CDKAL1: variants seen among roughly 807,000 people sequenced by gnomAD.
The protein encoded by CDKAL1 is CDKAL1 threonylcarbamoyladenosine tRNA methylthiotransferase.
A neutral mutation model predicts 68.2 loss-of-function variants in CDKAL1; 32 were observed. The ratio of observed to expected loss-of-function variants is 0.47; its 90% CI spans 0.35 to 0.63. The LOEUF (loss-of-function observed/expected upper bound fraction) is 0.63, where lower values mean the gene tolerates loss of function less well. CDKAL1 is among the 30% of genes least tolerant of loss of function. CDKAL1 has a pLI of 0.00. For synonymous variants in CDKAL1, 234 were observed against 244.3 expected (o/e 0.96, Z 0.39); for missense variants, 606 against 696.7 (o/e 0.87, Z 1.47).
chr6:20,962,452 A>G (rs1243753068), intron 10 of CDKAL1, among the ~76,000 whole-genome samples: 1 of 152,206 alleles, frequency 6.6e-6, no homozygotes, highest in African/African-American at 2.4e-5. Context: ...TAGTGAAATA[A>G]ATTCATCTGC....
intron 13 of CDKAL1, among the ~76,000 whole-genome samples, chr6:21,194,082 T>C (rs148710966): frequency 6.8e-4 from 103 of 152,318 alleles, no homozygotes; most frequent in African/African-American, 2.5e-3. Context: ...GGCTCTCATG[T>C]GAACTTACCC....
chr6:20,864,012 A>C (rs571957836), intron 9 of CDKAL1, among the ~76,000 whole-genome samples: 4 of 152,290 alleles, frequency 2.6e-5, no homozygotes, highest in African/African-American at 9.6e-5. Flanking sequence ...TTAGTAAAAA[A>C]AGGAGGAGAG....
chr6:20,896,104 T>TTTTC (rs1761674795), intron 9 of CDKAL1, among the ~76,000 whole-genome samples: 6 of 24,740 alleles, frequency 2.4e-4, no homozygotes, highest in South Asian at 1.7e-3. Flanking sequence ...TTTTCTTTTC[T>TTTTC]TTTTTTTTTT....
chr6:20,743,254 C>T (rs927567612), intron 6 of CDKAL1, among the ~76,000 whole-genome samples: 1 of 152,046 alleles, frequency 6.6e-6, no homozygotes, highest in Non-Finnish European at 1.5e-5. Flanking sequence ...GAAGGAAGAA[C>T]AACTGTAACT....
At chr6:20,541,182 G>C (rs887822026) in intron 2 of CDKAL1, among the ~76,000 whole-genome samples, 3 of 152,118 alleles carry the variant, frequency 2.0e-5, no homozygotes, top group Non-Finnish European at 4.4e-5. Context: ...AGCAATTTGG[G>C]AAAGACTAAC....
At chr6:21,188,067 G>A (rs1038912448) in intron 13 of CDKAL1, among the ~76,000 whole-genome samples, 2 of 152,084 alleles carry the variant, frequency 1.3e-5, no homozygotes, top group African/African-American at 2.4e-5. Flanking sequence ...TTAGCAGTTT[G>A]TTTTTCTGTT....
At chr6:20,541,977 G>A (rs1023222435) in intron 2 of CDKAL1, among the ~76,000 whole-genome samples, 2 of 152,220 alleles carry the variant, frequency 1.3e-5, no homozygotes, top group Non-Finnish European at 2.9e-5. Flanking sequence ...GTCTTACCAT[G>A]ACCACGTGGT....
chr6:21,117,731 C>T (rs375616154), intron 13 of CDKAL1, among the ~76,000 whole-genome samples: 2 of 152,114 alleles, frequency 1.3e-5, no homozygotes, highest in East Asian at 1.9e-4. Context: ...TTATACATTC[C>T]ACTTGGGCAA....
rs574169200 is a variant in CDKAL1, at chr6:20,587,225, G to T, written c.286+38520G>T. Among the ~76,000 whole-genome samples, 43 of 151,966 alleles carry T rather than the reference G, an allele frequency of 2.8e-4. 1 individual carries two copies. Among genetic ancestry groups the T allele is most frequent in the Non-Finnish European group, 6.3e-4 (43 of 67,976 alleles). On this transcript the variant is annotated intron_variant, in intron 4 of 15. Transcript: ENST00000274695. ...TGATCTCGAACTCCTGACCTCAGGT[G>T]ATCCACCTGCCGCAGCCTCCCAAAG...
chr6:20,814,611 C>T (rs1258263741), intron 8 of CDKAL1, among the ~76,000 whole-genome samples: 1 of 152,226 alleles, frequency 6.6e-6, no homozygotes, highest in African/African-American at 2.4e-5. Flanking sequence ...TGTTGTTATG[C>T]AGCTATTGAA....
chr6:20,872,563 G>A (rs554580905), intron 9 of CDKAL1, among the ~76,000 whole-genome samples: 13 of 152,244 alleles, frequency 8.5e-5, no homozygotes, highest in Middle Eastern at 3.4e-3. Flanking sequence ...GAAAGAAATG[G>A]GCATGCATAT....
chr6:20,908,449 T>C (rs1762325977), intron 9 of CDKAL1, among the ~76,000 whole-genome samples: 1 of 152,244 alleles, frequency 6.6e-6, no homozygotes, highest in East Asian at 1.9e-4. Context: ...AATGAATTCC[T>C]TGCTGAATCT....
intron 9 of CDKAL1, among the ~76,000 whole-genome samples, chr6:20,881,214 G>A (rs2081622556): frequency 6.6e-6 from 1 of 152,112 alleles, no homozygotes; most frequent in Non-Finnish European, 1.5e-5. Context: ...CAGAGTCTGC[G>A]ATTCAGTAGG....
chr6:20,633,016 G>A (rs1187656485), intron 4 of CDKAL1, among the ~76,000 whole-genome samples: 1 of 152,152 alleles, frequency 6.6e-6, no homozygotes, highest in Non-Finnish European at 1.5e-5. Flanking sequence ...TGATGGTGTG[G>A]CTCCAGCTTA....
intron 8 of CDKAL1, chr6:20,799,833 A>G (rs546004271): frequency 1.3e-5 from 2 of 152,374 alleles, no homozygotes; most frequent in South Asian, 4.1e-4. Flanking sequence ...GAGTAGAGAA[A>G]GAAATAATTA....
chr6:21,013,598 C>T (rs1768139742), intron 11 of CDKAL1, among the ~76,000 whole-genome samples: 1 of 152,182 alleles, frequency 6.6e-6, no homozygotes. Flanking sequence ...CAGCTATATT[C>T]AACATTCTGA....
intron 8 of CDKAL1, among the ~76,000 whole-genome samples, chr6:20,832,008 A>C (rs998901637): frequency 6.6e-6 from 1 of 152,174 alleles, no homozygotes; most frequent in Non-Finnish European, 1.5e-5. Context: ...TGCAAAACTT[A>C]TTGAACCACC....
Position 20,807,381 on chromosome 6 carries a change from G to A in CDKAL1, c.638+26116G>A, listed in dbSNP as rs189541257. ...TGGCACTACAGGCGCATGCCACCAC[G>A]CCCAGCTAATTTTCGTATTTTTGTA... On this transcript the variant is annotated intron_variant, in intron 8 of 15. Coordinates refer to ENST00000274695, the MANE Select transcript of CDKAL1 (RefSeq NM_017774.3). Among the ~76,000 whole-genome samples, 12 of 152,098 alleles carry A rather than the reference G, an allele frequency of 7.9e-5. 1 individual carries two copies. The East Asian group carries it at 9.7e-4, about 12-fold the overall frequency.
intron 4 of CDKAL1, among the ~76,000 whole-genome samples, chr6:20,556,073 G>A (rs1345038842): frequency 3.3e-5 from 5 of 152,074 alleles, no homozygotes; most frequent in Non-Finnish European, 5.9e-5. Context: ...TTGAAAGTAA[G>A]CTGTTTCTTG....
Sources: gnomAD v4.1 joint callset for allele counts (sites outside exome capture counted in the v4.1 genomes callset) on GRCh38, gnomAD v4.1.1 for gene constraint, MANE v1.5 for transcripts, NCBI Gene and HGNC (gene_info 2026-07-23, HGNC 2026-07-21) for gene names.